The following TRRAP variants were observed in gnomAD, a reference collection of about 807,000 sequenced individuals.
TRRAP encodes the protein transformation/transcription domain associated protein.
In TRRAP, 41 loss-of-function variants were observed where a neutral mutation model predicts 438.8. The ratio of observed to expected loss-of-function variants is 0.09; its 90% CI spans 0.07 to 0.12. The LOEUF (loss-of-function observed/expected upper bound fraction) is 0.12. Among genes scored for constraint, TRRAP ranks in the 10% least tolerant of loss-of-function variants. The pLI, the probability that TRRAP is intolerant of heterozygous loss-of-function variation, is 1.00. For missense variants in TRRAP, 3,122 were observed against 5,055.1 expected (o/e 0.62, Z 11.60); for synonymous variants, 1,994 against 1,962.9 (o/e 1.02, Z -0.42).
chr7:98,963,315 G>A (rs1049418960), intron 47 of TRRAP, among the ~76,000 whole-genome samples: 12 of 152,176 alleles, frequency 7.9e-5, no homozygotes, highest in African/African-American at 2.7e-4. Context: ...AGCTGGGTGC[G>A]GAGAGTGAGG....
At position 98,890,355 on chromosome 7, in the gene TRRAP, G is replaced by A; in HGVS notation, c.171G>A (p.Gln57=). The A allele has an allele frequency of 6.3e-7, 1 of 1,590,534 alleles. No individual in the cohort carries two copies. The highest frequency in any genetic ancestry group is 2.3e-5 in the East Asian group (1 of 43,774). ...ATTAGAATGTCACGTCATCTCCTCA[G>A]TATTCTACATTCCTAGAACATATCA... ...ENFENVTSSP[Q]YSTFLEHIIP... The change falls in exon 4 of 73, where the codon CAG becomes CAA. Residue 57 remains glutamine, a synonymous_variant. Transcript: ENST00000456197.
At chr7:98,997,537 T>C (rs570809840) in intron 67 of TRRAP, among the ~76,000 whole-genome samples, 2 of 112,394 alleles carry the variant, frequency 1.8e-5, no homozygotes, top group East Asian at 3.1e-4. Flanking sequence ...CGAATTCCCA[T>C]AGCTTGTTAG....
At position 98,971,954 on chromosome 7, in the gene TRRAP, G is replaced by A. The variant is rs182675202; in HGVS notation, c.7839+9G>A. ...CTCTCCGAGAGGTGAAGGTCTGTAC[G>A]CAGCTTGGAAAGGATTCGTTGCTTT... On this transcript the variant is annotated intron_variant, in intron 53 of 72. Transcript: ENST00000456197. 2.9e-3 allele frequency: 4,601 copies of A among 1,613,144 alleles called. 163 individuals carry two copies. The Admixed American group carries it at 0.067, about 24-fold the overall frequency.
intron 14 of TRRAP, among the ~76,000 whole-genome samples, chr7:98,909,190 A>G (rs1343296411): frequency 6.8e-6 from 1 of 146,468 alleles, no homozygotes; most frequent in Non-Finnish European, 1.5e-5. Flanking sequence ...TGCCCAACTA[A>G]CATTTTGTAT....
chr7:99,004,135 T>C (rs1794061757), intron 67 of TRRAP, 55 bp from the exon 68 acceptor site: 1 of 1,530,390 alleles, frequency 6.5e-7, no homozygotes, highest in East Asian at 2.2e-5. Flanking sequence ...TTTTGCAGTG[T>C]GTTAGAACTG....
intron 44 of TRRAP, among the ~76,000 whole-genome samples, chr7:98,958,562 A>G (rs1234883018): frequency 2.0e-5 from 3 of 152,214 alleles, no homozygotes; most frequent in Non-Finnish European, 4.4e-5. Context: ...GGCCTCCCAA[A>G]GTGCTGGGAT....
chr7:98,905,259 G>T (rs1401394330), intron 12 of TRRAP, among the ~76,000 whole-genome samples: 1 of 152,154 alleles, frequency 6.6e-6, no homozygotes, highest in Admixed American at 6.5e-5. Flanking sequence ...CCATTTGGCT[G>T]TTCCTCCGTG....
At position 98,937,721 on chromosome 7, in the gene TRRAP, A is replaced by C. The variant is rs782066555; in HGVS notation, c.4305A>C (p.Gly1435=). ...THMRPLLMML[G]DYRSLTLNVV... ...TGCGACCTTTGCTGATGATGCTGGG[A>C]GATTACCGGAGCTTGACGCTGAATG... The change falls in exon 30 of 73, where the codon GGA becomes GGC. Residue 1435 remains glycine (G), a synonymous_variant. Coordinates refer to ENST00000456197, the MANE Select transcript of TRRAP (RefSeq NM_001375524.1). 5 of 1,614,094 alleles carry C rather than the reference A, an allele frequency of 3.1e-6. No homozygotes were observed. Among genetic ancestry groups the C allele is most frequent in the Non-Finnish European group, 2.5e-6 (3 of 1,179,998 alleles).
rs138013956 is a variant in TRRAP at position 99,012,156 on chromosome 7, C to T, written c.11423C>T (p.Ser3808Leu). The T allele has an allele frequency of 1.3e-5, 21 of 1,614,116 alleles. No homozygotes were observed. The highest frequency in any genetic ancestry group is 9.3e-5 in the African/African-American group (7 of 74,954). The change falls in exon 73 of 73, where the codon TCG becomes TTG. Residue 3808 changes from serine (S) to leucine (L), a missense_variant. This residue lies in a region of TRRAP where 192 missense variants were observed against 355.6 expected (regional missense o/e 0.54). Coordinates refer to ENST00000456197, the MANE Select transcript of TRRAP (RefSeq NM_001375524.1). This position sits in a 1 kb window ranked among gnomAD's most constrained non-coding sequence, Gnocchi z 5.9. ...CAAGAGGACACGTCCTCTCCTCTCT[C>T]GGCCGCCGGGCAGCCAGAGAACATG... Reference protein sequence around the residue: ...KTQEDTSSPLSAAGQPENMDS... With the variant: ...KTQEDTSSPLLAAGQPENMDS...
intron 3 of TRRAP, among the ~76,000 whole-genome samples, chr7:98,887,290 T>A (rs1795754582): frequency 6.6e-6 from 1 of 152,232 alleles, no homozygotes; most frequent in Non-Finnish European, 1.5e-5. Flanking sequence ...TGGACTTACA[T>A]GCAAATATGT....
Position 99,010,911 on chromosome 7 carries a change from A to G in TRRAP, c.10939-141A>G. The G allele has an allele frequency of 1.4e-5, 12 of 862,774 alleles. No individual in the cohort carries two copies. The South Asian group carries it at 1.7e-4, about 12-fold the overall frequency. 53.4% of individuals were successfully genotyped at this position (862,774 alleles called of 1,614,324 possible). Reference sequence around the variant, plus strand: ...CCTCCTCGCCTTCAGTCTCCTAACAATGCGTGCGTTAAATCTGTCACCAGA... The same window carrying G: ...CCTCCTCGCCTTCAGTCTCCTAACAGTGCGTGCGTTAAATCTGTCACCAGA... On this transcript the variant is annotated intron_variant, in intron 70 of 72. Transcript: ENST00000456197.
chr7:98,964,540 A>G (rs933223846), intron 47 of TRRAP, 89 bp from the exon 48 acceptor site: 3 of 1,481,626 alleles, frequency 2.0e-6, no homozygotes, highest in Non-Finnish European at 2.8e-6. Context: ...TTTTGTCAGA[A>G]TACATTGTTT....
intron 67 of TRRAP, chr7:98,999,066 G>T: frequency 9.6e-7 from 1 of 1,039,850 alleles, no homozygotes; most frequent in African/African-American, 1.6e-5. Flanking sequence ...AGCCATGACG[G>T]GCAGAGAACT....
intron 35 of TRRAP, 117 bp from the exon 36 acceptor site, chr7:98,949,297 CCTT>C (rs1428620921): frequency 2.5e-6 from 3 of 1,212,094 alleles, no homozygotes; most frequent in East Asian, 3.0e-5. Context: ...TTTTGGTAAG[CCTT>C]CTTTGAGAGA....
chr7:98,900,869 A>G lies in TRRAP; in HGVS notation c.897+149A>G, dbSNP rs1796439001. 1.5e-5 allele frequency: 10 copies of G among 650,824 alleles called. 2 individuals carry two copies. The South Asian group carries it at 1.9e-4, about 12-fold the overall frequency. 40.3% of individuals were successfully genotyped at this position (650,824 alleles called of 1,614,324 possible). A position where few individuals can be genotyped will look rare whatever the true frequency, so the allele number is the denominator to read the frequency against. On this transcript the variant is annotated intron_variant, in intron 11 of 72. Transcript: ENST00000456197. ...TACGGTACATTTCCATCAACCTCCA[A>G]AATTCCATTGTTATATATTTGTTGT...
chr7:98,890,487 G>T, intron 4 of TRRAP, 42 bp downstream of exon 4: 1 of 1,421,868 alleles, frequency 7.0e-7, no homozygotes. Context: ...GGTGCTGTGG[G>T]ATTGTGACCA....
chr7:98,904,062 A>G (rs2116370003), intron 12 of TRRAP, among the ~76,000 whole-genome samples: 1 of 152,214 alleles, frequency 6.6e-6, no homozygotes, highest in Admixed American at 6.5e-5. Flanking sequence ...TGCCTGCCTC[A>G]GCCTTCCAAA....
At position 98,953,163 on chromosome 7, in the gene TRRAP, A is replaced by G; in HGVS notation, c.5464-4A>G. 2.5e-6 allele frequency: 4 copies of G among 1,611,142 alleles called. No homozygotes were observed. Among genetic ancestry groups the G allele is most frequent in the Non-Finnish European group, 3.4e-6 (4 of 1,179,384 alleles). ...AATGAGTCCTTCCTGCTGTCCCTGC[A>G]CAGGTCCTGGACCCCGAGAAGCAGG... On this transcript the variant is annotated splice_region_variant and splice_polypyrimidine_tract_variant and intron_variant, in intron 39 of 72. Coordinates refer to ENST00000456197, the MANE Select transcript of TRRAP (RefSeq NM_001375524.1).
chr7:98,965,893 C>G lies in TRRAP; in HGVS notation c.7174C>G (p.Gln2392Glu), dbSNP rs1792130553. 4 of 1,614,134 alleles carry G rather than the reference C, an allele frequency of 2.5e-6. No homozygotes were observed. The East Asian group carries it at 8.9e-5, about 36-fold the overall frequency. ...VKNNSPMAAN[Q>E]TPTLREKSIL... ...GAATAACTCCCCAATGGCAGCCAAT[C>G]AGGTGAGCTGGGACGGTGTGCCATG... The change falls in exon 49 of 73, where the codon CAG becomes GAG. Residue 2392 changes from glutamine (Q) to glutamate (E), a missense_variant and splice_region_variant. Gln to Glu is a conservative substitution (Grantham distance 29). Around this residue, in one of 24 missense-constraint regions of TRRAP, gnomAD observed 992 missense variants for 1,281.2 expected, o/e 0.77. Coordinates refer to ENST00000456197, the MANE Select transcript of TRRAP (RefSeq NM_001375524.1).
Sources: gnomAD v4.1 joint callset for allele counts (sites outside exome capture counted in the v4.1 genomes callset) on GRCh38, gnomAD v4.1.1 for gene constraint, gnomAD v4.1.1 regional missense constraint, Gnocchi (gnomAD v3.1) non-coding constraint, MANE v1.5 for transcripts, NCBI Gene and HGNC (gene_info 2026-07-23, HGNC 2026-07-21) for gene names.